The following E2F8 variants were observed in gnomAD, a reference collection of about 807,000 sequenced individuals.
The protein encoded by E2F8 is transcription factor E2F8.
In E2F8, 35 loss-of-function variants were observed where a neutral mutation model predicts 80.8. The ratio of observed to expected loss-of-function variants is 0.43; its 90% CI spans 0.33 to 0.57. The LOEUF is 0.57. Ranked by LOEUF, E2F8 falls within the 20% of genes least tolerant of loss-of-function variation. The pLI, the probability that E2F8 is intolerant of heterozygous loss-of-function variation, is 0.04. For synonymous variants in E2F8, 386 were observed against 395.0 expected, an observed-to-expected ratio of 0.98 and a Z score of 0.27; for missense variants, 975 against 1,056.2, an observed-to-expected ratio of 0.92 and a Z score of 1.07.
chr11:19,229,965 A>G lies in E2F8; in HGVS notation c.1382T>C (p.Val461Ala), dbSNP rs1851333049. The G allele has an allele frequency of 1.9e-6, 3 of 1,613,648 alleles. No homozygotes were observed. The highest frequency in any genetic ancestry group is 1.3e-5 in the African/African-American group (1 of 74,894). Residue 461 changes from valine to alanine, a missense_variant, in exon 10 of 13, where the codon GTA becomes GCA. By Grantham distance (64) the Val-to-Ala change is moderately conservative. Coordinates refer to ENST00000250024, the MANE Select transcript of E2F8 (RefSeq NM_024680.4). The surrounding 1 kb of genome is among the most constrained non-coding windows in gnomAD (Gnocchi z 4.3). Reference sequence around the variant, plus strand: ...GCAGGGTCCAGATCTTGCCAGCTGTACTTTCACTTTCTGTCTGGATTCACT... The same window carrying G: ...GCAGGGTCCAGATCTTGCCAGCTGTGCTTTCACTTTCTGTCTGGATTCACT... ...QSSESRQKVK[V>A]QLARSGPCKP...
At chr11:19,237,607 G>C (rs1851552217) in intron 3 of E2F8, 137 bp from the exon 4 acceptor site, 2 of 1,080,652 alleles carry the variant, frequency 1.9e-6, no homozygotes, top group African/African-American at 1.6e-5. Flanking sequence ...TGGGAGAAAA[G>C]GTTAGGGGGG....
chr11:19,237,528 AG>A, intron 3 of E2F8, 58 bp from the exon 4 acceptor site: 1 of 1,546,846 alleles, frequency 6.5e-7, no homozygotes, highest in East Asian at 2.3e-5. Context: ...CAGATTTATT[AG>A]GGGCATCTGT....
At chr11:19,238,797 G>A (rs531222683) in intron 2 of E2F8, among the ~76,000 whole-genome samples, 1 of 152,176 alleles carries the variant, frequency 6.6e-6, no homozygotes, top group Non-Finnish European at 1.5e-5. Context: ...TAGAGAAAAT[G>A]GGGCCCAGAG....
At position 19,237,855 on chromosome 11, in the gene E2F8, T is replaced by G. The variant is rs1354580489; in HGVS notation, c.293A>C (p.His98Pro). Reference protein sequence around the residue: ...SGLPEAKDCIHEHLSGDEFEK... With the variant: ...SGLPEAKDCIPEHLSGDEFEK... ...CCAACCAGTCCTCTGAAAACCTACGTGTATACAGTCTTTGGCCTCAGGTAA... is the reference window on the plus strand; with the variant it reads ...CCAACCAGTCCTCTGAAAACCTACGGGTATACAGTCTTTGGCCTCAGGTAA... Residue 98 changes from histidine (H) to proline (P), a missense_variant and splice_region_variant, in exon 3 of 13, where the codon CAC becomes CCC. Coordinates refer to ENST00000250024, the MANE Select transcript of E2F8 (RefSeq NM_024680.4). 1.2e-6 allele frequency: 2 copies of G among 1,608,768 alleles called. No homozygotes were observed. The highest frequency in any genetic ancestry group is 1.7e-4 in the Middle Eastern group (1 of 6,052).
chr11:19,235,415 G>A (rs1019187450), intron 4 of E2F8, among the ~76,000 whole-genome samples: 15 of 152,320 alleles, frequency 9.8e-5, no homozygotes, highest in South Asian at 2.1e-4. Flanking sequence ...TTGGGAGGCC[G>A]AGGAGGGCGG....
In E2F8 at chr11:19,240,696, T is replaced by A. The variant is rs1851637044; in HGVS notation, c.-258A>T. 1 of 152,232 alleles carries A rather than the reference T, an allele frequency of 6.6e-6. No individual in the cohort carries two copies. The highest frequency in any genetic ancestry group is 1.5e-5 in the Non-Finnish European group (1 of 68,090). The allele number at this position is 152,232 out of a possible 1,614,324, so 9.4% of individuals were successfully genotyped here. A position where few individuals can be genotyped will look rare whatever the true frequency, so the allele number is the denominator to read the frequency against. On this transcript the variant is annotated 5_prime_UTR_variant, in exon 1 of 13. Coordinates refer to ENST00000250024, the MANE Select transcript of E2F8 (RefSeq NM_024680.4). The stretch of plus-strand genomic sequence containing the variant: ...GTGCACAGGCTCAGCAGTAAAGTCG[T>A]GGGAGGTCGCTTGACAGGAAAGTTC...
Position 19,237,374 on chromosome 11 carries a change from T to C in E2F8, c.391A>G (p.Asn131Asp), listed in dbSNP as rs748629526. 1 of 1,614,212 alleles carries C rather than the reference T, an allele frequency of 6.2e-7. No individual in the cohort carries two copies. Among genetic ancestry groups the C allele is most frequent in the Non-Finnish European group, 8.5e-7 (1 of 1,180,028 alleles). The change falls in exon 4 of 13, where the codon AAT becomes GAT. Residue 131 changes from asparagine to aspartate, a missense_variant. By Grantham distance (23) the Asn-to-Asp change is conservative. Coordinates refer to ENST00000250024, the MANE Select transcript of E2F8 (RefSeq NM_024680.4). Reference sequence around the variant, plus strand: ...TTATTCACAGCAGGGTTGGGATAATTAGGATATCGTGCTAAGAACTTATGA... The same window carrying C: ...TTATTCACAGCAGGGTTGGGATAATCAGGATATCGTGCTAAGAACTTATGA... ...LCHKFLARYP[N>D]YPNPAVNNDI... is the part of the protein sequence containing the mutation.
In E2F8 at chr11:19,224,649, A is replaced by T. The variant is rs754860942; in HGVS notation, c.*9T>A. 8.7e-6 allele frequency: 14 copies of T among 1,612,192 alleles called. No individual in the cohort carries two copies. In the Admixed American group the frequency reaches 2.2e-4, roughly 25 times the overall value. The stretch of plus-strand genomic sequence containing the variant: ...CTTTAGAAAATTAAACTAAGCCAAC[A>T]TCTGTTGATTAATGGACATCCTCTG... On this transcript the variant is annotated 3_prime_UTR_variant, in exon 13 of 13. Coordinates refer to ENST00000250024, the MANE Select transcript of E2F8 (RefSeq NM_024680.4).
intron 2 of E2F8, among the ~76,000 whole-genome samples, chr11:19,239,229 T>A (rs1202258221): frequency 6.6e-6 from 1 of 152,198 alleles, no homozygotes; most frequent in Non-Finnish European, 1.5e-5. Flanking sequence ...AGATGCAGGC[T>A]GAGAGAGGTC....
In E2F8 at chr11:19,225,313, T is replaced by C. The variant is rs750248149; in HGVS notation, c.2329A>G (p.Thr777Ala). Residue 777 changes from threonine to alanine, a missense_variant, in exon 12 of 13, where the codon ACT becomes GCT. Transcript: ENST00000250024. ...TAGTTGGTGGCCCTTCCTTGCTGAG[T>C]GCCTGCATTTTCTGGTGCGACATTA... ...SVNVAPENAG[T>A]QQGRATNYDS... 5.0e-6 allele frequency: 8 copies of C among 1,614,174 alleles called. No individual in the cohort carries two copies. The South Asian group carries it at 8.8e-5, about 18-fold the overall frequency.
At chr11:19,237,806 T>G in intron 3 of E2F8, 48 bp downstream of exon 3, 134 of 1,354,678 alleles carry the variant, frequency 9.9e-5, no homozygotes, top group Middle Eastern at 1.9e-4. Flanking sequence ...ACCTCCCCCC[T>G]CCCCCCAACA....
chr11:19,236,122 T>C (rs1260437474), intron 4 of E2F8, among the ~76,000 whole-genome samples: 2 of 152,234 alleles, frequency 1.3e-5, no homozygotes, highest in Non-Finnish European at 2.9e-5. Flanking sequence ...TAAGGGTGCA[T>C]CCTACCGACC....
intron 2 of E2F8, 70 bp from the exon 3 acceptor site, chr11:19,238,202 A>C (rs1359731345): frequency 6.8e-6 from 10 of 1,466,094 alleles, no homozygotes; most frequent in Non-Finnish European, 9.2e-6. Context: ...GGATTCTAGA[A>C]ATTGCATAAC....
At position 19,229,321 on chromosome 11, in the gene E2F8, G is replaced by T; in HGVS notation, c.1893+133C>A. ...GGATTAGCTGTTGAGGGCCTCACTT[G>T]GATTATGGGATGCTAAGGAACAGTT... On this transcript the variant is annotated intron_variant, in intron 10 of 12. Coordinates refer to ENST00000250024, the MANE Select transcript of E2F8 (RefSeq NM_024680.4). The surrounding 1 kb of genome is among the most constrained non-coding windows in gnomAD (Gnocchi z 4.3). The T allele has an allele frequency of 1.6e-6, 2 of 1,264,236 alleles. No individual in the cohort carries two copies. The highest frequency in any genetic ancestry group is 2.2e-6 in the Non-Finnish European group (2 of 913,394). 78.3% of individuals were successfully genotyped at this position (1,264,236 alleles called of 1,614,324 possible).
chr11:19,225,054 C>G lies in E2F8; in HGVS notation c.2421+167G>C, dbSNP rs113770834. 83 of 1,130,428 alleles carry G rather than the reference C, an allele frequency of 7.3e-5. No individual in the cohort carries two copies. The African/African-American group carries it at 1.1e-3, about 15-fold the overall frequency. 70.0% of individuals were successfully genotyped at this position (1,130,428 alleles called of 1,614,324 possible). A position where few individuals can be genotyped will look rare whatever the true frequency, so the allele number is the denominator to read the frequency against. ...TCATGATAACCCAACAATATGGATGCCTTGGACACTCTTCCTGGGTTCTGG... is the reference window on the plus strand; with the variant it reads ...TCATGATAACCCAACAATATGGATGGCTTGGACACTCTTCCTGGGTTCTGG... On this transcript the variant is annotated intron_variant, in intron 12 of 12. Coordinates refer to ENST00000250024, the MANE Select transcript of E2F8 (RefSeq NM_024680.4).
chr11:19,228,974 A>G (rs576603273), intron 10 of E2F8, among the ~76,000 whole-genome samples: 3 of 152,348 alleles, frequency 2.0e-5, no homozygotes, highest in East Asian at 1.9e-4. Flanking sequence ...TACATGAAAT[A>G]GAAATTTTGA....
chr11:19,225,051 A>C, intron 12 of E2F8, 170 bp downstream of exon 12: 3 of 1,120,032 alleles, frequency 2.7e-6, no homozygotes, highest in Admixed American at 2.3e-5. Flanking sequence ...AACAATATGG[A>C]TGCCTTGGAC....
In E2F8 at chr11:19,229,443, G is replaced by T; in HGVS notation, c.1893+11C>A. 1 of 1,606,884 alleles carries T rather than the reference G, an allele frequency of 6.2e-7. No individual in the cohort carries two copies. Among genetic ancestry groups the T allele is most frequent in the Non-Finnish European group, 8.5e-7 (1 of 1,176,656 alleles). On this transcript the variant is annotated intron_variant, in intron 10 of 12. Coordinates refer to ENST00000250024, the MANE Select transcript of E2F8 (RefSeq NM_024680.4). This position sits in a 1 kb window ranked among gnomAD's most constrained non-coding sequence, Gnocchi z 4.3. ...TTCCTAAAGCTTTGTGCAGTTCAAG[G>T]CTGTACTTACTGCGGAGACATTTTC...
Position 19,240,920 on chromosome 11 carries a change from T to G in E2F8, c.-482A>C, listed in dbSNP as rs1039893794. The G allele has an allele frequency of 1.3e-5, 2 of 152,494 alleles. No individual in the cohort carries two copies. Among genetic ancestry groups the G allele is most frequent in the African/African-American group, 4.8e-5 (2 of 41,470 alleles). 9.4% of individuals were successfully genotyped at this position (152,494 alleles called of 1,614,324 possible). A position where few individuals can be genotyped will look rare whatever the true frequency, so the allele number is the denominator to read the frequency against. ...TTTGCCCAATAAGGCAAGCAGGTACTGTCCCCCGGCCGCCACTCGCTCAGT... is the reference window on the plus strand; with the variant it reads ...TTTGCCCAATAAGGCAAGCAGGTACGGTCCCCCGGCCGCCACTCGCTCAGT... On this transcript the variant is annotated 5_prime_UTR_variant, in exon 1 of 13. Coordinates refer to ENST00000250024, the MANE Select transcript of E2F8 (RefSeq NM_024680.4).
Sources: allele counts gnomAD v4.1 joint callset (sites outside exome capture counted in the v4.1 genomes callset), GRCh38; gene constraint gnomAD v4.1.1; non-coding constraint Gnocchi (gnomAD v3.1); transcripts MANE v1.5; gene names NCBI Gene and HGNC (gene_info 2026-07-23, HGNC 2026-07-21).